The following TMEM123 variants were observed in gnomAD, a reference collection of about 807,000 sequenced individuals.
TMEM123 encodes porimin.
TMEM123 carries 16 observed loss-of-function variants against 19.7 expected under a neutral mutation model. The ratio of observed to expected loss-of-function variants is 0.81; its 90% CI spans 0.55 to 1.23. The LOEUF is 1.23. Ranked by LOEUF, TMEM123 falls within the 50% of genes most tolerant of loss-of-function variation. The pLI, the probability that TMEM123 is intolerant of heterozygous loss-of-function variation, is 0.00. For synonymous variants in TMEM123, 118 were observed against 99.4 expected (o/e 1.19, Z -1.12); for missense variants, 313 against 257.8 (o/e 1.21, Z -1.47).
chr11:102,440,453 T>G (rs549645762), intron 2 of TMEM123, among the ~76,000 whole-genome samples: 2 of 152,224 alleles, frequency 1.3e-5, no homozygotes, highest in Middle Eastern at 3.4e-3. Context: ...CCAAACTAAG[T>G]TTCATAAGTG....
At chr11:102,406,868 C>CAAA (rs61413300) in intron 2 of TMEM123, among the ~76,000 whole-genome samples, 145 of 86,294 alleles carry the variant, frequency 1.7e-3, no homozygotes, top group East Asian at 5.4e-3. Flanking sequence ...GAGGCTCCGT[C>CAAA]AAAAAAAAAA....
chr11:102,451,449 T>C (rs548538924), intron 1 of TMEM123, among the ~76,000 whole-genome samples: 2 of 152,344 alleles, frequency 1.3e-5, no homozygotes, highest in Non-Finnish European at 2.9e-5. Context: ...AAATTGTTAA[T>C]TCACCCAGGT....
At chr11:102,444,958 G>C (rs1857867057) in intron 2 of TMEM123, among the ~76,000 whole-genome samples, 1 of 149,212 alleles carries the variant, frequency 6.7e-6, no homozygotes, top group East Asian at 2.0e-4. Context: ...TCATAGGTGA[G>C]AACTGAACAA....
At chr11:102,426,844 T>C (rs1013673757) in intron 2 of TMEM123, among the ~76,000 whole-genome samples, 6 of 145,678 alleles carry the variant, frequency 4.1e-5, no homozygotes, top group Admixed American at 2.7e-4. Context: ...CATGGCTTAA[T>C]GTTTTTAAAG....
chr11:102,426,859 T>TTCCCC (rs1491364770), intron 2 of TMEM123, among the ~76,000 whole-genome samples: 2 of 4,136 alleles, frequency 4.8e-4, no homozygotes, highest in African/African-American at 1.3e-3. Context: ...TTAAAGTAGT[T>TTCCCC]CCCCCCCCCC....
intron 2 of TMEM123, among the ~76,000 whole-genome samples, chr11:102,434,683 AT>A (rs1448020628): frequency 1.3e-5 from 2 of 151,090 alleles, no homozygotes; most frequent in African/African-American, 4.9e-5. Context: ...AGTTTTTCCT[AT>A]TTTTTTCTAG....
rs1306460628 is a variant in TMEM123 at position 102,396,992 on chromosome 11, A to G, written c.*1875T>C. The G allele has an allele frequency of 6.6e-6, 1 of 151,378 alleles. No homozygotes were observed. Among genetic ancestry groups the G allele is most frequent in the Non-Finnish European group, 1.5e-5 (1 of 68,018 alleles). The allele number at this position is 151,378 out of a possible 1,614,324, so 9.4% of individuals were successfully genotyped here. On this transcript the variant is annotated 3_prime_UTR_variant, in exon 5 of 5. Coordinates refer to ENST00000398136, the MANE Select transcript of TMEM123 (RefSeq NM_052932.3). ...TAAAAGGCCTTCATTAGAATAAAGT[A>G]TATCTTAACTACATTTTGCAAAGAA... is the stretch of plus-strand genomic sequence containing the variant.
rs1445954288 is a variant in TMEM123 at position 102,397,043 on chromosome 11, C to T, written c.*1824G>A. On this transcript the variant is annotated 3_prime_UTR_variant, in exon 5 of 5. Coordinates refer to ENST00000398136, the MANE Select transcript of TMEM123 (RefSeq NM_052932.3). ...ATGAAGCAATGGTTGCACAACCAGTCAGGGCCAAGTTAGTAACATACAACT... is the reference window on the plus strand; with the variant it reads ...ATGAAGCAATGGTTGCACAACCAGTTAGGGCCAAGTTAGTAACATACAACT... 2 of 152,146 alleles carry T rather than the reference C, an allele frequency of 1.3e-5. No individual in the cohort carries two copies. The highest frequency in any genetic ancestry group is 4.8e-5 in the African/African-American group (2 of 41,434). 9.4% of individuals were successfully genotyped at this position (152,146 alleles called of 1,614,324 possible). A position where few individuals can be genotyped will look rare whatever the true frequency, so the allele number is the denominator to read the frequency against.
chr11:102,432,052 T>G (rs925023893), intron 2 of TMEM123, among the ~76,000 whole-genome samples: 3 of 152,224 alleles, frequency 2.0e-5, no homozygotes, highest in African/African-American at 7.2e-5. Context: ...TGGGTATTTC[T>G]TCAAAGCAGT....
chr11:102,407,949 G>C (rs755516535), intron 2 of TMEM123, among the ~76,000 whole-genome samples: 1 of 152,188 alleles, frequency 6.6e-6, no homozygotes, highest in Non-Finnish European at 1.5e-5. Context: ...ATATGTCTCT[G>C]TGCAACGGTA....
Position 102,418,556 on chromosome 11 carries a change from G to A in TMEM123, c.158-16350C>T, listed in dbSNP as rs534784509. Among the ~76,000 whole-genome samples, 43 of 152,334 alleles carry A rather than the reference G, an allele frequency of 2.8e-4. 1 individual carries two copies. In the South Asian group the frequency reaches 6.8e-3, roughly 24 times the overall value. On this transcript the variant is annotated intron_variant, in intron 2 of 4. Transcript: ENST00000398136. ...GGAGAAAAAGGAATGCTTATACACC[G>A]CTGGTGGGAATGTAAATTAGTTCAG...
At chr11:102,415,070 A>G (rs188477075) in intron 2 of TMEM123, among the ~76,000 whole-genome samples, 39 of 152,360 alleles carry the variant, frequency 2.6e-4, no homozygotes, top group Admixed American at 1.2e-3. Context: ...CTTTAAACCA[A>G]TAACAATCAA....
intron 1 of TMEM123, 131 bp from the exon 2 acceptor site, chr11:102,448,999 C>T (rs1796854665): frequency 1.2e-5 from 10 of 851,820 alleles, no homozygotes; most frequent in Non-Finnish European, 1.9e-5. Context: ...GGAAGTTCTA[C>T]TTTGGCCCCT....
chr11:102,401,683 G>C lies in TMEM123; in HGVS notation c.458C>G (p.Thr153Ser), dbSNP rs1159605951. 1.3e-6 allele frequency: 2 copies of C among 1,589,172 alleles called. No individual in the cohort carries two copies. The highest frequency in any genetic ancestry group is 4.5e-5 in the East Asian group (2 of 44,656). ...SAASSVTITT[T>S]MHSEAKKGSK... Reference sequence around the variant, plus strand: ...TCCTTTCTTTGCTTCAGAATGCATAGTTGTTGTGACTAGAACAAAAGAAAA... The same window carrying C: ...TCCTTTCTTTGCTTCAGAATGCATACTTGTTGTGACTAGAACAAAAGAAAA... Residue 153 changes from threonine (T) to serine (S), a missense_variant, in exon 4 of 5, where the codon ACT becomes AGT. Coordinates refer to ENST00000398136, the MANE Select transcript of TMEM123 (RefSeq NM_052932.3).
intron 2 of TMEM123, among the ~76,000 whole-genome samples, chr11:102,413,418 T>TG (rs1952020511): frequency 1.3e-5 from 2 of 152,178 alleles, no homozygotes; most frequent in African/African-American, 4.8e-5. Flanking sequence ...CCATCACCAC[T>TG]GGCACATACA....
At position 102,452,643 on chromosome 11, in the gene TMEM123, G is replaced by C. The variant is rs367788165; in HGVS notation, c.-20C>G. The C allele has an allele frequency of 4.0e-6, 6 of 1,484,484 alleles. No homozygotes were observed. Among genetic ancestry groups the C allele is most frequent in the East Asian group, 2.7e-5 (1 of 37,154 alleles). The allele number at this position is 1,484,484 out of a possible 1,614,324, so 92.0% of individuals were successfully genotyped here. On this transcript the variant is annotated 5_prime_UTR_variant, in exon 1 of 5. Coordinates refer to ENST00000398136, the MANE Select transcript of TMEM123 (RefSeq NM_052932.3). ...TCCCATTGTTCCGAGGGCAGGATGCGGCAGCCTCGTGGGCTCCCAGCCGAG... is the reference window on the plus strand; with the variant it reads ...TCCCATTGTTCCGAGGGCAGGATGCCGCAGCCTCGTGGGCTCCCAGCCGAG...
At chr11:102,437,544 T>C (rs1857777407) in intron 2 of TMEM123, among the ~76,000 whole-genome samples, 1 of 152,118 alleles carries the variant, frequency 6.6e-6, no homozygotes, top group East Asian at 1.9e-4. Flanking sequence ...ATAGCAGTAG[T>C]CCTTAATCTG....
chr11:102,437,485 C>T (rs967606709), intron 2 of TMEM123, among the ~76,000 whole-genome samples: 9 of 150,332 alleles, frequency 6.0e-5, no homozygotes, highest in Admixed American at 1.3e-4. Context: ...ATTTTTTTTA[C>T]GTTTAAAATG....
At chr11:102,434,968 T>C (rs374499892) in intron 2 of TMEM123, among the ~76,000 whole-genome samples, 34 of 152,012 alleles carry the variant, frequency 2.2e-4, no homozygotes, top group East Asian at 1.3e-3. Flanking sequence ...TTGTGAGCTA[T>C]AGTCACCACA....
Sources: allele counts gnomAD v4.1 joint callset (sites outside exome capture counted in the v4.1 genomes callset), GRCh38; gene constraint gnomAD v4.1.1; transcripts MANE v1.5; gene names NCBI Gene and HGNC (gene_info 2026-07-23, HGNC 2026-07-21).